Variants in CC2D2A observed in about 807,000 individuals in gnomAD.
CC2D2A encodes coiled-coil and C2 domain-containing protein 2A.
Under a neutral mutation model 212.9 loss-of-function variants are expected in CC2D2A, and 155 were observed. The observed-to-expected ratio is 0.73, with a 90% CI of 0.64 to 0.83. The LOEUF (loss-of-function observed/expected upper bound fraction) is 0.83. Ranked by LOEUF, CC2D2A falls within the 40% of genes least tolerant of loss-of-function variation. The pLI, the probability that CC2D2A is intolerant of heterozygous loss-of-function variation, is 0.00. For missense variants in CC2D2A, 1,856 were observed against 1,956.2 expected, an observed-to-expected ratio of 0.95 and a Z score of 0.97; for synonymous variants, 667 against 686.5, an observed-to-expected ratio of 0.97 and a Z score of 0.44.
At chr4:15,501,991 T>C (rs1356813347) in intron 4 of CC2D2A, among the ~76,000 whole-genome samples, 1 of 152,174 alleles carries the variant, frequency 6.6e-6, no homozygotes, top group Non-Finnish European at 1.5e-5. Context: ...ATCAGTGCAA[T>C]TGAAAGTTAA....
intron 20 of CC2D2A, 89 bp from the exon 21 acceptor site, chr4:15,557,215 C>T (rs1719329473): frequency 1.4e-6 from 1 of 737,030 alleles, no homozygotes; most frequent in Non-Finnish European, 2.2e-6. Flanking sequence ...TAATCTAAAA[C>T]TGTTAAATGT....
chr4:15,511,449 G>C (rs751277266), intron 8 of CC2D2A, 26 bp downstream of exon 8: 6 of 1,486,252 alleles, frequency 4.0e-6, no homozygotes, highest in Non-Finnish European at 5.3e-6. Flanking sequence ...ATGGTAATGA[G>C]GTGTGGGTGG....
chr4:15,537,404 A>G (rs1696374149), intron 15 of CC2D2A, among the ~76,000 whole-genome samples: 1 of 152,210 alleles, frequency 6.6e-6, no homozygotes, highest in South Asian at 2.1e-4. Context: ...TACATGCATT[A>G]TTCCATTAAA....
Position 15,538,092 on chromosome 4 carries a change from A to G in CC2D2A, c.1958A>G (p.Glu653Gly). The G allele has an allele frequency of 1.2e-6, 2 of 1,603,774 alleles. No homozygotes were observed. Among genetic ancestry groups the G allele is most frequent in the Non-Finnish European group, 8.5e-7 (1 of 1,174,892 alleles). ...RRPWEPTLVP[E>G]LSLAGSVTPN... The stretch of plus-strand genomic sequence containing the variant: ...CCTTGGGAGCCCACGCTGGTCCCGG[A>G]GCTAAGCCTGGCAGGAAGCGTAACA... Residue 653 changes from glutamate (E) to glycine (G), a missense_variant, in exon 16 of 37, where the codon GAG becomes GGG. Around this residue, in one of 5 missense-constraint regions of CC2D2A, gnomAD observed 1,512 missense variants for 1,579.3 expected, o/e 0.96. Coordinates refer to ENST00000424120, the MANE Select transcript of CC2D2A (RefSeq NM_001378615.1).
At chr4:15,561,140 C>CA (rs1719577691) in intron 23 of CC2D2A, among the ~76,000 whole-genome samples, 1 of 152,150 alleles carries the variant, frequency 6.6e-6, no homozygotes, top group African/African-American at 2.4e-5. Context: ...ATTTGATATT[C>CA]ACACAGATAT....
Position 15,564,703 on chromosome 4 carries a change from G to C in CC2D2A, c.3182+1181G>C, listed in dbSNP as rs1719801075. 2.6e-5 allele frequency among the ~76,000 whole-genome samples: 4 copies of C among 151,968 alleles called. No homozygotes were observed. In the South Asian group the frequency reaches 8.3e-4, roughly 32 times the overall value. On this transcript the variant is annotated intron_variant, in intron 24 of 36. Coordinates refer to ENST00000424120, the MANE Select transcript of CC2D2A (RefSeq NM_001378615.1). ...GCCTTACATTTTTTATTTTGAAACAGGGTCTCACTCTGTTGCCCAGGCTGA... is the reference window on the plus strand; with the variant it reads ...GCCTTACATTTTTTATTTTGAAACACGGTCTCACTCTGTTGCCCAGGCTGA...
intron 6 of CC2D2A, among the ~76,000 whole-genome samples, chr4:15,503,956 C>A (rs928177856): frequency 6.6e-6 from 1 of 152,036 alleles, no homozygotes; most frequent in Non-Finnish European, 1.5e-5. Context: ...GAGGGGTAAG[C>A]GCTAAGACGG....
intron 2 of CC2D2A, among the ~76,000 whole-genome samples, chr4:15,478,086 C>T (rs1162551620): frequency 6.6e-6 from 1 of 152,056 alleles, no homozygotes; most frequent in Non-Finnish European, 1.5e-5. Context: ...TTTTAGAGCT[C>T]GTAGACTTTA....
At chr4:15,508,811 A>C (rs778403325) in intron 6 of CC2D2A, among the ~76,000 whole-genome samples, 2 of 152,332 alleles carry the variant, frequency 1.3e-5, no homozygotes, top group Non-Finnish European at 2.9e-5. Context: ...GCTGTGAAAT[A>C]ATTCTCTGTC....
At chr4:15,593,752 G>T (rs941012307) in intron 33 of CC2D2A, among the ~76,000 whole-genome samples, 2 of 152,010 alleles carry the variant, frequency 1.3e-5, no homozygotes, top group Non-Finnish European at 2.9e-5. Flanking sequence ...TATACCCAGC[G>T]TCCAACCACA....
intron 4 of CC2D2A, among the ~76,000 whole-genome samples, chr4:15,500,817 GAC>G (rs766326352): frequency 1.1e-4 from 17 of 151,978 alleles, no homozygotes; most frequent in Non-Finnish European, 4.4e-5. Context: ...TTCCTCCCAC[GAC>G]AGTGTCATTG....
chr4:15,574,381 C>T, intron 29 of CC2D2A, 55 bp downstream of exon 29: 1 of 1,345,032 alleles, frequency 7.4e-7, no homozygotes, highest in East Asian at 2.6e-5. Flanking sequence ...ACAAGAAATG[C>T]TTGCTAGGCT....
chr4:15,514,935 C>A, intron 9 of CC2D2A, 66 bp downstream of exon 9: 3 of 1,463,392 alleles, frequency 2.1e-6, no homozygotes, highest in Non-Finnish European at 1.9e-6. Flanking sequence ...TGAAATATGG[C>A]TAGTGTATAA....
chr4:15,471,605 A>G (rs1713824515), intron 1 of CC2D2A, among the ~76,000 whole-genome samples: 1 of 151,234 alleles, frequency 6.6e-6, no homozygotes, highest in Non-Finnish European at 1.5e-5. Flanking sequence ...TCAAGGTAGG[A>G]AGTATGATTG....
chr4:15,528,503 T>A (rs997358525), intron 12 of CC2D2A, 117 bp from the exon 13 acceptor site: 6 of 700,444 alleles, frequency 8.6e-6, no homozygotes, highest in Admixed American at 7.0e-5. Flanking sequence ...TGCTTGAACA[T>A]CCGTTCCATT....
At chr4:15,535,644 T>A (rs1453100899) in intron 14 of CC2D2A, among the ~76,000 whole-genome samples, 1 of 152,184 alleles carries the variant, frequency 6.6e-6, no homozygotes, top group Non-Finnish European at 1.5e-5. Context: ...CCCTGGTGTT[T>A]ATAAATTTCG....
At chr4:15,488,414 G>A (rs776772835) in intron 4 of CC2D2A, among the ~76,000 whole-genome samples, 5 of 152,092 alleles carry the variant, frequency 3.3e-5, no homozygotes, top group Non-Finnish European at 7.4e-5. Flanking sequence ...GACCTATAAG[G>A]TTTCCACTGA....
At chr4:15,541,622 T>A (rs1718453610) in intron 17 of CC2D2A, among the ~76,000 whole-genome samples, 2 of 152,040 alleles carry the variant, frequency 1.3e-5, no homozygotes, top group Non-Finnish European at 2.9e-5. Context: ...GCTCATTCAT[T>A]GAAGACATAT....
At chr4:15,548,314 C>G (rs1173500621) in intron 17 of CC2D2A, among the ~76,000 whole-genome samples, 2 of 152,190 alleles carry the variant, frequency 1.3e-5, no homozygotes, top group African/African-American at 4.8e-5. Context: ...AGGAATGTGG[C>G]TCCAGAAACT....
Sources: allele counts gnomAD v4.1 joint callset (sites outside exome capture counted in the v4.1 genomes callset), GRCh38; gene constraint gnomAD v4.1.1; regional missense constraint gnomAD v4.1.1; transcripts MANE v1.5; gene names NCBI Gene and HGNC (gene_info 2026-07-23, HGNC 2026-07-21).